Variants in DYRK3 observed in about 807,000 individuals in gnomAD.
DYRK3 encodes the protein dual specificity tyrosine phosphorylation regulated kinase 3.
DYRK3 carries 30 observed loss-of-function variants against 40.8 expected under a neutral mutation model. That is an observed-to-expected ratio of 0.74 (90% CI 0.55 to 1.00). DYRK3 has a LOEUF of 1.00. Ranked by LOEUF, DYRK3 falls within the 50% of genes least tolerant of loss-of-function variation. DYRK3 has a pLI of 0.00. For synonymous variants in DYRK3, 272 were observed against 260.7 expected (o/e 1.04, Z -0.42); for missense variants, 699 against 731.5 (o/e 0.96, Z 0.51).
chr1:206,646,204 A>G (rs1190808622), intron 2 of DYRK3, among the ~76,000 whole-genome samples: 1 of 152,208 alleles, frequency 6.6e-6, no homozygotes, highest in African/African-American at 2.4e-5. Flanking sequence ...ACATAGTGAA[A>G]TGGTTACTAC....
chr1:206,647,279 TTAAAG>T (rs1553420237), intron 2 of DYRK3, 104 bp from the exon 3 acceptor site: 9 of 1,176,548 alleles, frequency 7.6e-6, no homozygotes, highest in Non-Finnish European at 7.1e-6. Flanking sequence ...CATTTTAACC[TTAAAG>T]TAAACATGAC....
rs1237321957 is a variant in DYRK3 at position 206,650,057 on chromosome 1, A to G, written c.*1092A>G. On this transcript the variant is annotated 3_prime_UTR_variant, in exon 3 of 3. Coordinates refer to ENST00000367109, the MANE Select transcript of DYRK3 (RefSeq NM_003582.4). ...CAAGTTTTCCCTTTTTATGTTTCTT[A>G]ATTTTATTCTCTTCAACAGCTTTTC... 6.6e-6 allele frequency among the ~76,000 whole-genome samples: 1 copy of G among 152,230 alleles called. No homozygotes were observed. Among genetic ancestry groups the G allele is most frequent in the Non-Finnish European group, 1.5e-5 (1 of 68,034 alleles).
At chr1:206,635,962 C>T in intron 1 of DYRK3, 182 bp downstream of exon 1, 1 of 1,334,972 alleles carries the variant, frequency 7.5e-7, no homozygotes, top group Non-Finnish European at 9.6e-7. Flanking sequence ...TCCCCCCATC[C>T]CTGTCTCACC....
At chr1:206,638,286 T>G (rs899128420) in intron 2 of DYRK3, among the ~76,000 whole-genome samples, 4 of 146,984 alleles carry the variant, frequency 2.7e-5, no homozygotes, top group Non-Finnish European at 6.0e-5. Flanking sequence ...TTTTTTTTTT[T>G]TTTTTTTTGA....
intron 1 of DYRK3, chr1:206,636,070 T>G: frequency 6.5e-7 from 1 of 1,528,812 alleles, no homozygotes; most frequent in Non-Finnish European, 8.8e-7. Flanking sequence ...GTTAAGGGAT[T>G]ACGAAAATCT....
rs1328406247 is a variant in DYRK3 at position 206,652,332 on chromosome 1, T to G, written c.*3367T>G. ...TATGCATCTGATGTACACTGTGTTT[T>G]GGTGTTTGTGTTTTTAGTGAGAGTT... On this transcript the variant is annotated 3_prime_UTR_variant, in exon 3 of 3. Transcript: ENST00000367109. Among the ~76,000 whole-genome samples the G allele has an allele frequency of 6.6e-6, 1 of 152,166 alleles. No homozygotes were observed. The highest frequency in any genetic ancestry group is 1.9e-4 in the East Asian group (1 of 5,202).
In DYRK3 at chr1:206,651,966, C is replaced by A. The variant is rs1671642743; in HGVS notation, c.*3001C>A. ...GATCTGGCTTGATGTATTTCTTGGG[C>A]TCTGGTACCACATCATAGAGTTGGT... On this transcript the variant is annotated 3_prime_UTR_variant, in exon 3 of 3. Coordinates refer to ENST00000367109, the MANE Select transcript of DYRK3 (RefSeq NM_003582.4). Among the ~76,000 whole-genome samples, 1 of 152,186 alleles carries A rather than the reference C, an allele frequency of 6.6e-6. No homozygotes were observed. The highest frequency in any genetic ancestry group is 6.5e-5 in the Admixed American group (1 of 15,272).
At chr1:206,640,437 G>C (rs1671255886) in intron 2 of DYRK3, among the ~76,000 whole-genome samples, 2 of 152,016 alleles carry the variant, frequency 1.3e-5, no homozygotes, top group African/African-American at 4.8e-5. Context: ...GCTTTTATTG[G>C]GTTAAGTTTT....
chr1:206,636,008 A>G (rs969007126), intron 1 of DYRK3: 8 of 1,435,862 alleles, frequency 5.6e-6, no homozygotes, highest in African/African-American at 2.9e-5. Context: ...GAGTTAGAGC[A>G]AGAAGAATTT....
chr1:206,637,973 C>T (rs575101586), intron 2 of DYRK3, among the ~76,000 whole-genome samples: 1 of 152,184 alleles, frequency 6.6e-6, no homozygotes, highest in East Asian at 1.9e-4. Flanking sequence ...ATTTCAGTTT[C>T]CACTGGGATA....
At chr1:206,640,829 C>T (rs1246414402) in intron 2 of DYRK3, among the ~76,000 whole-genome samples, 2 of 152,114 alleles carry the variant, frequency 1.3e-5, no homozygotes, top group African/African-American at 2.4e-5. Context: ...GGATTACAGG[C>T]GTGAGCCACC....
rs201087853 is a variant in DYRK3, at chr1:206,636,926, A to T, written c.78-724A>T. ...GAGAAGTGATCCTTAATCATTTAGA[A>T]TTTTGCCTCCACCATCCACCAGAAA... On this transcript the variant is annotated intron_variant, in intron 1 of 2. Transcript: ENST00000367109. 20 of 1,613,594 alleles carry T rather than the reference A, an allele frequency of 1.2e-5. No homozygotes were observed. In the African/African-American group the frequency reaches 2.7e-4, roughly 22 times the overall value.
At chr1:206,644,759 C>T (rs1660794131) in intron 2 of DYRK3, among the ~76,000 whole-genome samples, 1 of 152,266 alleles carries the variant, frequency 6.6e-6, no homozygotes, top group African/African-American at 2.4e-5. Context: ...ATGCTGGTCT[C>T]GAACTCCTGA....
At chr1:206,642,964 A>G (rs1671334050) in intron 2 of DYRK3, among the ~76,000 whole-genome samples, 1 of 151,536 alleles carries the variant, frequency 6.6e-6, no homozygotes. Context: ...AAAAAAGATA[A>G]CCCCTCCCTG....
In DYRK3 at chr1:206,647,423, G is replaced by C. The variant is rs1267629745; in HGVS notation, c.225G>C (p.Gln75His). The change falls in exon 3 of 3, where the codon CAG (glutamine) becomes CAC (histidine). Residue 75 changes from glutamine (Q) to histidine (H), a missense_variant. By Grantham distance (24) the Gln-to-His change is conservative (BLOSUM62 0). Transcript: ENST00000367109. ...TTEQFTGDHT[Q>H]HFLDGGEMKV... is the part of the protein sequence containing the mutation. The stretch of plus-strand genomic sequence containing the variant: ...AGCAGTTTACAGGAGATCATACTCA[G>C]CACTTTTTGGATGGAGGTGAGATGA... 2 of 1,613,610 alleles carry C rather than the reference G, an allele frequency of 1.2e-6. No homozygotes were observed. Among genetic ancestry groups the C allele is most frequent in the Non-Finnish European group, 1.7e-6 (2 of 1,179,856 alleles).
chr1:206,651,616 A>G lies in DYRK3; in HGVS notation c.*2651A>G, dbSNP rs1412211153. ...TATGAATGGTTTTCCTGTAGGCCCA[A>G]CAGTGTCATGACCCTCCAGTTGAAA... On this transcript the variant is annotated 3_prime_UTR_variant, in exon 3 of 3. Coordinates refer to ENST00000367109, the MANE Select transcript of DYRK3 (RefSeq NM_003582.4). 2.0e-5 allele frequency among the ~76,000 whole-genome samples: 3 copies of G among 152,214 alleles called. No individual in the cohort carries two copies. Among genetic ancestry groups the G allele is most frequent in the East Asian group, 1.9e-4 (1 of 5,198 alleles).
chr1:206,639,791 G>A (rs1469241400), intron 2 of DYRK3, among the ~76,000 whole-genome samples: 2 of 151,966 alleles, frequency 1.3e-5, no homozygotes, highest in Admixed American at 6.6e-5. Context: ...AGAGTTAGCC[G>A]ATGCTATTTA....
chr1:206,636,025 C>T, intron 1 of DYRK3: 2 of 1,448,542 alleles, frequency 1.4e-6, no homozygotes, highest in Middle Eastern at 1.8e-4. Context: ...ATTTCCACCC[C>T]TGGATTCCCT....
chr1:206,647,268 TCA>T (rs1357443168), intron 2 of DYRK3, 118 bp from the exon 3 acceptor site: 1 of 1,038,956 alleles, frequency 9.6e-7, no homozygotes, highest in African/African-American at 1.6e-5. Context: ...TCTTTTTGGG[TCA>T]TTTTAACCTT....
Sources: gnomAD v4.1 joint callset for allele counts (sites outside exome capture counted in the v4.1 genomes callset) on GRCh38, gnomAD v4.1.1 for gene constraint, MANE v1.5 for transcripts, NCBI Gene and HGNC (gene_info 2026-07-23, HGNC 2026-07-21) for gene names.